The following CAMK1D variants were observed in gnomAD, a reference collection of about 807,000 sequenced individuals.
The protein encoded by CAMK1D is calcium/calmodulin-dependent protein kinase type 1D.
In CAMK1D, 9 loss-of-function variants were observed where a neutral mutation model predicts 47.7. That is an observed-to-expected ratio of 0.19 (90% CI 0.11 to 0.33). The LOEUF is 0.33. Ranked by LOEUF, CAMK1D falls within the 10% of genes least tolerant of loss-of-function variation. The pLI, the probability that CAMK1D is intolerant of heterozygous loss-of-function variation, is 1.00. For synonymous variants in CAMK1D, 184 were observed against 184.9 expected, an observed-to-expected ratio of 0.99 and a Z score of 0.04; for missense variants, 291 against 488.7, an observed-to-expected ratio of 0.60 and a Z score of 3.81.
intron 6 of CAMK1D, among the ~76,000 whole-genome samples, chr10:12,811,328 C>G (rs1464413005): frequency 6.6e-6 from 1 of 152,214 alleles, no homozygotes; most frequent in Non-Finnish European, 1.5e-5. Flanking sequence ...TCAAGTTAAA[C>G]AGCCCAAGGT....
At chr10:12,366,887 A>G (rs753261791) in intron 1 of CAMK1D, among the ~76,000 whole-genome samples, 2 of 152,114 alleles carry the variant, frequency 1.3e-5, no homozygotes, top group African/African-American at 2.4e-5. Context: ...TTTATCCCCT[A>G]TAAGATAGAG....
At chr10:12,792,766 C>G (rs571091084) in intron 6 of CAMK1D, among the ~76,000 whole-genome samples, 1 of 152,156 alleles carries the variant, frequency 6.6e-6, no homozygotes, top group African/African-American at 2.4e-5. Context: ...AAAGGACTCT[C>G]GTTTATGGAA....
At chr10:12,429,082 G>A (rs1042913469) in intron 1 of CAMK1D, among the ~76,000 whole-genome samples, 8 of 152,156 alleles carry the variant, frequency 5.3e-5, no homozygotes, top group Non-Finnish European at 1.0e-4. Flanking sequence ...GTATGGTGTG[G>A]CCTCTGCCCA....
intron 1 of CAMK1D, among the ~76,000 whole-genome samples, chr10:12,536,161 AG>A (rs936004947): frequency 6.6e-6 from 1 of 152,170 alleles, no homozygotes; most frequent in African/African-American, 2.4e-5. Flanking sequence ...ATAAGTGAAC[AG>A]ATTACCATGT....
At chr10:12,756,708 C>T (rs187078042) in intron 3 of CAMK1D, among the ~76,000 whole-genome samples, 6 of 152,230 alleles carry the variant, frequency 3.9e-5, no homozygotes, top group Non-Finnish European at 7.4e-5. Context: ...GGGTGGATCA[C>T]GAGGTCAGAA....
intron 2 of CAMK1D, among the ~76,000 whole-genome samples, chr10:12,558,810 T>C (rs546976917): frequency 6.6e-6 from 1 of 152,280 alleles, no homozygotes; most frequent in South Asian, 2.1e-4. Context: ...TTCAACATGC[T>C]GTTCTGATGC....
chr10:12,399,015 T>C (rs1839073087), intron 1 of CAMK1D, among the ~76,000 whole-genome samples: 2 of 152,226 alleles, frequency 1.3e-5, no homozygotes, highest in African/African-American at 4.8e-5. Context: ...TCTGCCTGCA[T>C]CACAGTTGCT....
At chr10:12,359,356 G>T (rs375268056) in intron 1 of CAMK1D, among the ~76,000 whole-genome samples, 3 of 152,280 alleles carry the variant, frequency 2.0e-5, no homozygotes, top group African/African-American at 7.2e-5. Flanking sequence ...GATTTGGAAG[G>T]CCCGCTGAGC....
At chr10:12,651,399 T>C (rs532613492) in intron 2 of CAMK1D, among the ~76,000 whole-genome samples, 139 of 152,278 alleles carry the variant, frequency 9.1e-4, no homozygotes, top group Non-Finnish European at 1.4e-3. Context: ...TTTTATTTTA[T>C]TCATGTTTTT....
rs80237986 is a variant in CAMK1D, at chr10:12,390,742, G to T, written c.92+40832G>T. On this transcript the variant is annotated intron_variant, in intron 1 of 10. Transcript: ENST00000619168. ...AGTCGAACGTGTAAAGGACCCAAGAGGAAAGGGGAGCCCAGAAGGGTTGAG... is the reference window on the plus strand; with the variant it reads ...AGTCGAACGTGTAAAGGACCCAAGATGAAAGGGGAGCCCAGAAGGGTTGAG... 8.4e-4 allele frequency among the ~76,000 whole-genome samples: 128 copies of T among 152,290 alleles called. 4 individuals are homozygous for T. The East Asian group carries it at 0.023, about 28-fold the overall frequency.
At chr10:12,484,164 A>C (rs1348826383) in intron 1 of CAMK1D, among the ~76,000 whole-genome samples, 2 of 152,114 alleles carry the variant, frequency 1.3e-5, no homozygotes, top group African/African-American at 4.8e-5. Flanking sequence ...TGCAATAAGG[A>C]AGACATAAAT....
At chr10:12,615,778 ATG>A (rs1368955618) in intron 2 of CAMK1D, among the ~76,000 whole-genome samples, 1 of 148,350 alleles carries the variant, frequency 6.7e-6, no homozygotes, top group Non-Finnish European at 1.5e-5. Flanking sequence ...GTGTAAGTGC[ATG>A]TGTGTAGTGT....
intron 1 of CAMK1D, among the ~76,000 whole-genome samples, chr10:12,374,468 C>T (rs1031687717): frequency 9.2e-5 from 14 of 151,996 alleles, no homozygotes; most frequent in African/African-American, 3.4e-4. Context: ...TGTCCTTGCT[C>T]ACGTAGTATC....
chr10:12,401,784 A>C (rs2131917770), intron 1 of CAMK1D, among the ~76,000 whole-genome samples: 1 of 151,904 alleles, frequency 6.6e-6, no homozygotes, highest in East Asian at 1.9e-4. Flanking sequence ...GACACAGAGG[A>C]TGGATGAATG....
intron 2 of CAMK1D, among the ~76,000 whole-genome samples, chr10:12,586,149 A>T (rs1837811103): frequency 1.3e-5 from 2 of 152,218 alleles, no homozygotes; most frequent in African/African-American, 4.8e-5. Context: ...GCGTTCTCCC[A>T]CCAAACCTGG....
intron 3 of CAMK1D, among the ~76,000 whole-genome samples, chr10:12,675,030 C>CA (rs771350871): frequency 0.19 from 9,853 of 52,620 alleles, 700 homozygotes; most frequent in African/African-American, 0.21. Context: ...GACTCCATCT[C>CA]AAAAAAAAAA....
At chr10:12,767,277 A>G (rs1271333260) in intron 4 of CAMK1D, among the ~76,000 whole-genome samples, 1 of 152,110 alleles carries the variant, frequency 6.6e-6, no homozygotes, top group East Asian at 1.9e-4. Context: ...TCCCAGGTTC[A>G]AGTGATTCTC....
chr10:12,830,236 C>T lies in CAMK1D; in HGVS notation c.*1349C>T, dbSNP rs967073356. On this transcript the variant is annotated 3_prime_UTR_variant, in exon 11 of 11. Transcript: ENST00000619168. ...TTTCTAATCTTACACTTCACGTGGC[C>T]TCCAACACAAAGTTCTTTCTCCACA... 1 of 152,226 alleles carries T rather than the reference C, an allele frequency of 6.6e-6. No homozygotes were observed. The highest frequency in any genetic ancestry group is 1.5e-5 in the Non-Finnish European group (1 of 68,050). 9.4% of individuals were successfully genotyped at this position (152,226 alleles called of 1,614,324 possible). A position where few individuals can be genotyped will look rare whatever the true frequency, so the allele number is the denominator to read the frequency against.
chr10:12,803,670 A>AATC (rs1838584072), intron 6 of CAMK1D, among the ~76,000 whole-genome samples: 1 of 151,938 alleles, frequency 6.6e-6, no homozygotes. Context: ...TAATAATAAT[A>AATC]ATAATAACTA....
Sources: allele counts gnomAD v4.1 joint callset (sites outside exome capture counted in the v4.1 genomes callset), GRCh38; gene constraint gnomAD v4.1.1; transcripts MANE v1.5; gene names NCBI Gene and HGNC (gene_info 2026-07-23, HGNC 2026-07-21).